The following RTL4 variants were observed in gnomAD, a reference collection of about 807,000 sequenced individuals.
The protein encoded by RTL4 is retrotransposon Gag like 4, also known as retrotransposon Gag-like protein 4.
A neutral mutation model predicts 5.3 loss-of-function variants in RTL4; 4 were observed. The observed-to-expected ratio is 0.75, with a 90% CI of 0.37 to 1.72. The LOEUF (loss-of-function observed/expected upper bound fraction) is 1.72. Among genes scored for constraint, RTL4 ranks in the 40% most tolerant of loss-of-function variants. RTL4 has a pLI of 0.04. For missense variants in RTL4, 260 were observed against 227.1 expected (o/e 1.14, Z -0.93); for synonymous variants, 98 against 87.3 (o/e 1.12, Z -0.68).
the RTL4 span, among the ~76,000 whole-genome samples, chrX:112,392,238 G>A: frequency 8.9e-6 from 1 of 112,232 alleles, no homozygotes; most frequent in Non-Finnish European, 1.9e-5. Flanking sequence ...CATAGCTCTG[G>A]TGGATGGTGG....
chrX:112,448,522 T>A, the RTL4 span, among the ~76,000 whole-genome samples: 2 of 111,775 alleles, frequency 1.8e-5, no homozygotes, highest in Middle Eastern at 4.6e-3. Context: ...AGTTATAGAA[T>A]CTATGGGTTT....
chrX:112,397,215 A>G, the RTL4 span, among the ~76,000 whole-genome samples: 1 of 111,947 alleles, frequency 8.9e-6, no homozygotes, highest in African/African-American at 3.2e-5. Context: ...ATTATCTTAT[A>G]TAAGTGGTGT....
chrX:112,374,456 A>G, the RTL4 span, among the ~76,000 whole-genome samples: 15 of 111,554 alleles, frequency 1.3e-4, no homozygotes, highest in African/African-American at 4.9e-4. Flanking sequence ...TTCCTCTTTA[A>G]TATTTTCCTG....
the RTL4 span, among the ~76,000 whole-genome samples, chrX:112,248,998 G>A: frequency 8.9e-6 from 1 of 112,302 alleles, no homozygotes; most frequent in African/African-American, 3.2e-5. Flanking sequence ...TTAAAGTCCT[G>A]GGAGCATCCC....
chrX:112,358,929 C>T, the RTL4 span, among the ~76,000 whole-genome samples: 1 of 111,229 alleles, frequency 9.0e-6, no homozygotes, highest in Non-Finnish European at 1.9e-5. Flanking sequence ...AGAATCAACG[C>T]CGTCCAAACT....
chrX:112,183,488 C>CAA, the RTL4 span, among the ~76,000 whole-genome samples: 1 of 107,442 alleles, frequency 9.3e-6, no homozygotes, highest in Non-Finnish European at 1.9e-5. Flanking sequence ...AAATGGAAAG[C>CAA]AAAAAAAAAG....
the RTL4 span, among the ~76,000 whole-genome samples, chrX:112,190,205 T>TTTC: frequency 1.3e-4 from 14 of 104,420 alleles, no homozygotes; most frequent in African/African-American, 4.6e-4. Context: ...TCTTTCTTTC[T>TTTC]TTTTTCTATA....
chrX:112,444,035 G>T, the RTL4 span, among the ~76,000 whole-genome samples: 2 of 111,560 alleles, frequency 1.8e-5, no homozygotes, highest in Non-Finnish European at 3.8e-5. Flanking sequence ...GTCCTAAAGA[G>T]TCTCCACAAT....
chrX:112,399,393 A>G, the RTL4 span, among the ~76,000 whole-genome samples: 1 of 110,513 alleles, frequency 9.0e-6, no homozygotes, highest in East Asian at 2.8e-4. Flanking sequence ...CTAGTTTTTT[A>G]AGGTGGACTC....
the RTL4 span, among the ~76,000 whole-genome samples, chrX:112,156,521 G>A: frequency 8.9e-6 from 1 of 111,852 alleles, no homozygotes; most frequent in Admixed American, 9.5e-5. Flanking sequence ...GATATCACAG[G>A]GCCATAGTAC....
chrX:112,451,797 A>G (rs1172452020), upstream of RTL4, among the ~76,000 whole-genome samples: 1 of 111,587 alleles, frequency 9.0e-6, no homozygotes, highest in African/African-American at 3.3e-5. Flanking sequence ...GAGGTAGAAT[A>G]GTGTACCACC....
the RTL4 span, among the ~76,000 whole-genome samples, chrX:112,289,769 A>G: frequency 1.3e-4 from 9 of 70,857 alleles, no homozygotes; most frequent in African/African-American, 9.5e-4. Context: ...TGTGTGTATA[A>G]TATATGTGTG....
At chrX:112,172,183 G>C in the RTL4 span, among the ~76,000 whole-genome samples, 3 of 111,238 alleles carry the variant, frequency 2.7e-5, no homozygotes, top group South Asian at 3.8e-4. Flanking sequence ...AAATTAGCTG[G>C]GTGTAGCAGC....
the RTL4 span, among the ~76,000 whole-genome samples, chrX:112,448,276 T>C: frequency 8.9e-6 from 1 of 112,339 alleles, no homozygotes; most frequent in Non-Finnish European, 1.9e-5. Flanking sequence ...AAACAGCATG[T>C]ACTCTTTGAA....
chrX:112,086,905 A>G, the RTL4 span, among the ~76,000 whole-genome samples: 2 of 112,033 alleles, frequency 1.8e-5, no homozygotes, highest in Non-Finnish European at 3.8e-5. Flanking sequence ...TCAGAATGGG[A>G]TCCCTGTAAT....
chrX:112,335,302 T>C, the RTL4 span, among the ~76,000 whole-genome samples: 3 of 111,707 alleles, frequency 2.7e-5, no homozygotes, highest in Non-Finnish European at 5.6e-5. Flanking sequence ...CCTACTCTTC[T>C]GTTTTTTGGC....
chrX:112,169,859 A>C, the RTL4 span, among the ~76,000 whole-genome samples: 14 of 111,964 alleles, frequency 1.3e-4, no homozygotes, highest in Non-Finnish European at 2.6e-4. Context: ...GGTGGGTGAC[A>C]CATGCTGCCA....
chrX:112,382,221 G>A, the RTL4 span: 22 of 1,134,311 alleles, frequency 1.9e-5, no homozygotes, highest in Non-Finnish European at 2.6e-5. Context: ...TTAATCCAAA[G>A]TAACTCCTAA....
chrX:112,096,857 A>G, the RTL4 span, among the ~76,000 whole-genome samples: 2 of 112,434 alleles, frequency 1.8e-5, no homozygotes, highest in Non-Finnish European at 1.9e-5. Context: ...GGAAGATGCC[A>G]TCATGACTTA....
Sources: gnomAD v4.1 joint callset for allele counts (sites outside exome capture counted in the v4.1 genomes callset) on GRCh38, gnomAD v4.1.1 for gene constraint, MANE v1.5 for transcripts, NCBI Gene and HGNC (gene_info 2026-07-23, HGNC 2026-07-21) for gene names.